NCAM1: variants seen among roughly 807,000 people sequenced by gnomAD.
The protein encoded by NCAM1 is neural cell adhesion molecule 1, also known as antigen recognized by monoclonal antibody 5.1H11.
In NCAM1, 14 loss-of-function variants were observed where a neutral mutation model predicts 109.8. That is an observed-to-expected ratio of 0.13 (90% CI 0.08 to 0.20). NCAM1 has a LOEUF of 0.20. Among genes scored for constraint, NCAM1 ranks in the 10% least tolerant of loss-of-function variants. NCAM1 has a pLI of 1.00. For synonymous variants in NCAM1, 418 were observed against 442.9 expected (o/e 0.94, Z 0.70); for missense variants, 774 against 1,109.9 (o/e 0.70, Z 4.30).
At chr11:113,164,950 G>A (rs1290153085) in intron 1 of NCAM1, among the ~76,000 whole-genome samples, 1 of 152,086 alleles carries the variant, frequency 6.6e-6, no homozygotes, top group Admixed American at 6.5e-5. Flanking sequence ...CAACTAATTT[G>A]AACAAAAGAC....
At chr11:113,054,857 G>A (rs1555082301) in intron 1 of NCAM1, among the ~76,000 whole-genome samples, 1 of 152,172 alleles carries the variant, frequency 6.6e-6, no homozygotes. Context: ...CAAAGGGGAA[G>A]CATAGCATTT....
intron 1 of NCAM1, among the ~76,000 whole-genome samples, chr11:113,035,326 T>G (rs187521964): frequency 5.9e-5 from 9 of 152,310 alleles, no homozygotes; most frequent in Admixed American, 5.9e-4. Context: ...CACCTTGAGA[T>G]GAGACAATTG....
chr11:113,018,239 C>T (rs1952269816), intron 1 of NCAM1, among the ~76,000 whole-genome samples: 1 of 151,882 alleles, frequency 6.6e-6, no homozygotes, highest in African/African-American at 2.4e-5. Flanking sequence ...TTCAAGTATA[C>T]AGTCCTGTAC....
intron 1 of NCAM1, among the ~76,000 whole-genome samples, chr11:113,124,060 A>G (rs1555096589): frequency 6.6e-6 from 1 of 152,154 alleles, no homozygotes; most frequent in African/African-American, 2.4e-5. Flanking sequence ...TGGCTCCTCC[A>G]AAGTAATTCT....
intron 1 of NCAM1, among the ~76,000 whole-genome samples, chr11:112,985,997 G>C (rs1951291644): frequency 6.6e-6 from 1 of 151,850 alleles, no homozygotes; most frequent in African/African-American, 2.4e-5. Context: ...CCTGATCTTA[G>C]AGGAATATCT....
intron 1 of NCAM1, among the ~76,000 whole-genome samples, chr11:113,009,508 A>C (rs148030236): frequency 1.3e-5 from 2 of 151,344 alleles, no homozygotes; most frequent in Non-Finnish European, 3.0e-5. Context: ...TTTTTTGTAG[A>C]GCTGGGTTCT....
At chr11:113,086,404 G>C (rs1555088317) in intron 1 of NCAM1, among the ~76,000 whole-genome samples, 1 of 152,214 alleles carries the variant, frequency 6.6e-6, no homozygotes, top group African/African-American at 2.4e-5. Context: ...TACTAAGTTT[G>C]CAACGAATCT....
Position 113,214,481 on chromosome 11 carries a change from T to A in NCAM1, c.1029T>A (p.Thr343=). The A allele has an allele frequency of 6.2e-7, 1 of 1,611,716 alleles. No homozygotes were observed. ...CCATTCCCTCCATCACCTGGAGGAC[T>A]TCTACCCGGAACATCAGCAGCGAAG... ...GDPIPSITWR[T]STRNISSEEK... is the part of the protein sequence containing the mutation. The change falls in exon 8 of 20, where the codon ACT becomes ACA. Residue 343 remains threonine (T), a synonymous_variant. Transcript: ENST00000316851.
At chr11:113,027,615 C>A (rs552548456) in intron 1 of NCAM1, among the ~76,000 whole-genome samples, 8 of 152,312 alleles carry the variant, frequency 5.3e-5, no homozygotes, top group African/African-American at 7.2e-5. Context: ...TCTCAAACAG[C>A]TTCTTTCGGC....
chr11:113,277,316 T>C lies in NCAM1; in HGVS notation c.*1929T>C. 2.5e-6 allele frequency: 1 copy of C among 399,154 alleles called. No homozygotes were observed. Among genetic ancestry groups the C allele is most frequent in the Non-Finnish European group, 4.4e-6 (1 of 226,136 alleles). 24.7% of individuals were successfully genotyped at this position (399,154 alleles called of 1,614,324 possible). A position where few individuals can be genotyped will look rare whatever the true frequency, so the allele number is the denominator to read the frequency against. On this transcript the variant is annotated 3_prime_UTR_variant, in exon 20 of 20. Coordinates refer to ENST00000316851, the MANE Select transcript of NCAM1 (RefSeq NM_181351.5). ...TGTGAAGAATAATGGTCTTGTCATT[T>C]GCTCAATGTGGGGTTATGTTGCATT...
chr11:113,199,581 C>G (rs528942700), intron 1 of NCAM1, among the ~76,000 whole-genome samples: 1 of 135,034 alleles, frequency 7.4e-6, no homozygotes. Flanking sequence ...ATAACTCTTC[C>G]TTTAAAAACT....
chr11:113,255,048 G>A lies in NCAM1; in HGVS notation c.1829-829G>A, dbSNP rs151145060. ...CCTTGGATTCACAGTGCTACAAGCT[G>A]AGTGTATACTGCAAATCAAGAAACA... On this transcript the variant is annotated intron_variant, in intron 15 of 19. Transcript: ENST00000316851. 3.2e-3 allele frequency among the ~76,000 whole-genome samples: 484 copies of A among 152,312 alleles called. 5 individuals carry two copies. Among genetic ancestry groups the A allele is most frequent in the East Asian group, 5.0e-3 (26 of 5,182 alleles).
rs782601339 is a variant in NCAM1 at position 113,214,355 on chromosome 11, T to C, written c.917-14T>C. 9.9e-6 allele frequency: 16 copies of C among 1,612,844 alleles called. No individual in the cohort carries two copies. In the East Asian group the frequency reaches 2.2e-4, roughly 22 times the overall value. The stretch of plus-strand genomic sequence containing the variant: ...ATAATTAGATAAACTCAGAGAAATG[T>C]TTTGTCTTTTCAGCAAAACCCAAAA... On this transcript the variant is annotated splice_polypyrimidine_tract_variant and intron_variant, in intron 7 of 19. Transcript: ENST00000316851.
chr11:113,035,603 C>A (rs1218620841), intron 1 of NCAM1, among the ~76,000 whole-genome samples: 13 of 152,140 alleles, frequency 8.5e-5, no homozygotes, highest in Non-Finnish European at 1.5e-5. Context: ...AGGAAGAAAG[C>A]TTCATTATTG....
rs1952690637 is a variant in NCAM1, at chr11:113,030,842, C to T, written c.52+69178C>T. 3.9e-5 allele frequency among the ~76,000 whole-genome samples: 6 copies of T among 152,294 alleles called. No individual in the cohort carries two copies. The South Asian group carries it at 1.2e-3, about 32-fold the overall frequency. On this transcript the variant is annotated intron_variant, in intron 1 of 19. Transcript: ENST00000316851. ...AAGCAGTTTCATTGACTCACTTATG[C>T]AGCTGAAGTTTGTAAAAAACCTCAC...
Position 113,020,528 on chromosome 11 carries a change from T to C in NCAM1, c.52+58864T>C, listed in dbSNP as rs7107210. Among the ~76,000 whole-genome samples, 454 of 152,324 alleles carry C rather than the reference T, an allele frequency of 3.0e-3. 1 individual carries two copies. Among genetic ancestry groups the C allele is most frequent in the African/African-American group, 0.01 (430 of 41,568 alleles). On this transcript the variant is annotated intron_variant, in intron 1 of 19. Coordinates refer to ENST00000316851, the MANE Select transcript of NCAM1 (RefSeq NM_181351.5). ...TATATATTTTGTTATATTTTTACTT[T>C]AGAGGCTATAAAGATTTTTCAATAG...
At chr11:113,079,655 A>G (rs1253641033) in intron 1 of NCAM1, among the ~76,000 whole-genome samples, 1 of 152,218 alleles carries the variant, frequency 6.6e-6, no homozygotes, top group Non-Finnish European at 1.5e-5. Flanking sequence ...TATTCTTCAT[A>G]ATAAATCCAT....
At chr11:113,074,825 G>A (rs563022281) in intron 1 of NCAM1, among the ~76,000 whole-genome samples, 1 of 152,106 alleles carries the variant, frequency 6.6e-6, no homozygotes. Flanking sequence ...AGAGAGGAGC[G>A]TTCACCATGT....
intron 1 of NCAM1, among the ~76,000 whole-genome samples, chr11:112,968,448 G>T (rs556032241): frequency 1.3e-5 from 2 of 152,272 alleles, no homozygotes; most frequent in Admixed American, 6.5e-5. Context: ...AGATAAACTG[G>T]ATATATAATA....
Sources: allele counts gnomAD v4.1 joint callset (sites outside exome capture counted in the v4.1 genomes callset), GRCh38; gene constraint gnomAD v4.1.1; transcripts MANE v1.5; gene names NCBI Gene and HGNC (gene_info 2026-07-23, HGNC 2026-07-21).